SLC25A12: variants seen among roughly 807,000 people sequenced by gnomAD.
SLC25A12 encodes electrogenic aspartate/glutamate antiporter SLC25A12, mitochondrial.
SLC25A12 carries 32 observed loss-of-function variants against 83.3 expected under a neutral mutation model. That is an observed-to-expected ratio of 0.38 (90% confidence interval 0.29 to 0.52). SLC25A12 has a LOEUF of 0.52. Ranked by LOEUF, SLC25A12 falls within the 20% of genes least tolerant of loss-of-function variation. SLC25A12 has a pLI of 0.84. For missense variants in SLC25A12, 611 were observed against 835.6 expected (o/e 0.73, Z 3.31); for synonymous variants, 267 against 291.1 (o/e 0.92, Z 0.84).
At chr2:171,824,704 T>C (rs1684262503) in intron 9 of SLC25A12, among the ~76,000 whole-genome samples, 1 of 151,818 alleles carries the variant, frequency 6.6e-6, no homozygotes, top group Non-Finnish European at 1.5e-5. Context: ...TCTTTCCTTT[T>C]ATTAAACATA....
rs952345070 is a variant in SLC25A12, at chr2:171,785,087, A to T, written c.*187T>A. 3.3e-6 allele frequency: 2 copies of T among 604,296 alleles called. No individual in the cohort carries two copies. Among genetic ancestry groups the T allele is most frequent in the Non-Finnish European group, 5.9e-6 (2 of 336,900 alleles). 37.4% of individuals were successfully genotyped at this position (604,296 alleles called of 1,614,324 possible). On this transcript the variant is annotated 3_prime_UTR_variant, in exon 18 of 18. Coordinates refer to ENST00000422440, the MANE Select transcript of SLC25A12 (RefSeq NM_003705.5). ...AACACATAAGACTAAAGCTTGAAAC[A>T]GCGTTGTGGTTTTTTCCCTGGGCAA... is the stretch of plus-strand genomic sequence containing the variant.
intron 2 of SLC25A12, among the ~76,000 whole-genome samples, chr2:171,892,749 T>A (rs570798096): frequency 6.6e-6 from 1 of 151,926 alleles, no homozygotes; most frequent in Admixed American, 6.6e-5. Context: ...AAGGATACAA[T>A]GTAAGTAAGA....
intron 9 of SLC25A12, among the ~76,000 whole-genome samples, chr2:171,817,405 C>G (rs1375841878): frequency 6.6e-6 from 1 of 151,826 alleles, no homozygotes; most frequent in Non-Finnish European, 1.5e-5. Flanking sequence ...AGTTCAAGAC[C>G]AGCTTGGCCA....
At chr2:171,858,602 T>G (rs1043646635) in intron 3 of SLC25A12, among the ~76,000 whole-genome samples, 1 of 152,264 alleles carries the variant, frequency 6.6e-6, no homozygotes, top group African/African-American at 2.4e-5. Flanking sequence ...AGATGTGTTT[T>G]CTTTGGCATG....
intron 4 of SLC25A12, among the ~76,000 whole-genome samples, chr2:171,846,619 C>A (rs1684802697): frequency 6.6e-6 from 1 of 151,890 alleles, no homozygotes; most frequent in African/African-American, 2.4e-5. Context: ...CAACCTGGTC[C>A]CCATAGTGAA....
chr2:171,833,827 G>T, intron 8 of SLC25A12, 136 bp downstream of exon 8: 3 of 553,718 alleles, frequency 5.4e-6, no homozygotes, highest in Non-Finnish European at 6.6e-6. Context: ...TGTCTTTCTT[G>T]GAATTTATAT....
intron 13 of SLC25A12, among the ~76,000 whole-genome samples, chr2:171,806,504 C>A (rs889388502): frequency 2.6e-5 from 4 of 152,022 alleles, no homozygotes; most frequent in African/African-American, 4.8e-5. Flanking sequence ...ACAAAACATA[C>A]AACAACAACA....
chr2:171,792,864 C>T (rs1317518181), intron 14 of SLC25A12, among the ~76,000 whole-genome samples: 4 of 152,068 alleles, frequency 2.6e-5, no homozygotes, highest in South Asian at 4.1e-4. Context: ...TTTGCAGTTA[C>T]CGAAACAAAT....
At chr2:171,852,356 T>TA (rs1257950237) in intron 4 of SLC25A12, among the ~76,000 whole-genome samples, 1 of 152,108 alleles carries the variant, frequency 6.6e-6, no homozygotes, top group East Asian at 1.9e-4. Flanking sequence ...AAATCATATC[T>TA]AAAAAAAGCA....
intron 12 of SLC25A12, 91 bp downstream of exon 12, chr2:171,810,133 G>T: frequency 9.4e-7 from 1 of 1,068,116 alleles, no homozygotes; most frequent in Non-Finnish European, 1.5e-6. Flanking sequence ...GAGATTATAG[G>T]CATGAGCTAC....
In SLC25A12 at chr2:171,813,438, G is replaced by T; in HGVS notation, c.1072C>A (p.Arg358Ser). The T allele has an allele frequency of 6.2e-7, 1 of 1,614,030 alleles. No individual in the cohort carries two copies. The highest frequency in any genetic ancestry group is 8.5e-7 in the Non-Finnish European group (1 of 1,179,938). The change falls in exon 11 of 18, where the codon CGT (arginine) becomes AGT (serine). Residue 358 changes from arginine (R) to serine (S), a missense_variant. By Grantham distance (110) the Arg-to-Ser change is moderately radical. Around this residue, in one of 3 missense-constraint regions of SLC25A12, gnomAD observed 540 missense variants for 777.5 expected, o/e 0.69. Coordinates refer to ENST00000422440, the MANE Select transcript of SLC25A12 (RefSeq NM_003705.5). The stretch of plus-strand genomic sequence containing the variant: ...TCCCCAACAACAGAGCCAGAGCCAC[G>T]CTGGTTTTGCATTCGGGTCTTCACC... Reference protein sequence around the residue: ...DLVKTRMQNQRGSGSVVGELM... With the variant: ...DLVKTRMQNQSGSGSVVGELM...
rs983932957 is a variant in SLC25A12, at chr2:171,844,077, G to A, written c.465+292C>T. Among the ~76,000 whole-genome samples, 48 of 152,130 alleles carry A rather than the reference G, an allele frequency of 3.2e-4. 1 individual carries two copies. The highest frequency in any genetic ancestry group is 1.3e-4 in the Non-Finnish European group (9 of 68,020). On this transcript the variant is annotated intron_variant, in intron 5 of 17. Coordinates refer to ENST00000422440, the MANE Select transcript of SLC25A12 (RefSeq NM_003705.5). ...TGGGATTACAGGCGTGAGCCACTGC[G>A]CCCAGTCGTGAAAGAACTAGCTTCT...
intron 3 of SLC25A12, among the ~76,000 whole-genome samples, chr2:171,856,853 G>A (rs1216436401): frequency 6.6e-6 from 1 of 152,140 alleles, no homozygotes; most frequent in Non-Finnish European, 1.5e-5. Flanking sequence ...ATGTTTCTAG[G>A]AGGTTTTTTT....
intron 2 of SLC25A12, among the ~76,000 whole-genome samples, chr2:171,884,616 C>CA (rs915684028): frequency 5.3e-5 from 8 of 150,676 alleles, no homozygotes; most frequent in Admixed American, 3.3e-4. Context: ...ACTAAAAATA[C>CA]AAAAAAAATT....
intron 2 of SLC25A12, among the ~76,000 whole-genome samples, chr2:171,886,502 C>A (rs746950666): frequency 1.4e-5 from 2 of 146,462 alleles, no homozygotes; most frequent in East Asian, 4.0e-4. Flanking sequence ...TAACCTTGTA[C>A]ATATATATTC....
chr2:171,789,267 C>T (rs190666535), intron 15 of SLC25A12, among the ~76,000 whole-genome samples: 6 of 152,148 alleles, frequency 3.9e-5, no homozygotes, highest in African/African-American at 1.2e-4. Context: ...CTCACTCTGT[C>T]GCCCAGGCTG....
intron 2 of SLC25A12, among the ~76,000 whole-genome samples, chr2:171,886,223 A>G (rs1685814004): frequency 6.8e-6 from 1 of 146,816 alleles, no homozygotes. Flanking sequence ...CCTCTTTAAT[A>G]TAATAGCTTT....
At chr2:171,817,394 G>T (rs1303358906) in intron 9 of SLC25A12, among the ~76,000 whole-genome samples, 1 of 151,976 alleles carries the variant, frequency 6.6e-6, no homozygotes, top group East Asian at 1.9e-4. Context: ...TTGAGTTCAG[G>T]AGTTCAAGAC....
intron 13 of SLC25A12, among the ~76,000 whole-genome samples, chr2:171,808,002 G>T (rs1373463719): frequency 6.6e-6 from 1 of 152,136 alleles, no homozygotes; most frequent in East Asian, 1.9e-4. Flanking sequence ...TGTTGCCAAG[G>T]TCACTGACCT....
Sources: allele counts gnomAD v4.1 joint callset (sites outside exome capture counted in the v4.1 genomes callset), GRCh38; gene constraint gnomAD v4.1.1; regional missense constraint gnomAD v4.1.1; transcripts MANE v1.5; gene names NCBI Gene and HGNC (gene_info 2026-07-23, HGNC 2026-07-21).